PARD3B: variants seen among roughly 807,000 people sequenced by gnomAD.
PARD3B encodes partitioning defective 3 homolog B.
A neutral mutation model predicts 130.2 loss-of-function variants in PARD3B; 103 were observed. The ratio of observed to expected loss-of-function variants is 0.79; its 90% CI spans 0.67 to 0.93. PARD3B has a LOEUF of 0.93. Among genes scored for constraint, PARD3B ranks in the 40% least tolerant of loss-of-function variants. The pLI is 0.00. For synonymous variants in PARD3B, 583 were observed against 553.2 expected (o/e 1.05, Z -0.76); for missense variants, 1,609 against 1,499.2 (o/e 1.07, Z -1.21).
rs145131249 is a variant in PARD3B, at chr2:205,488,160, T to A, written c.3045-11736T>A. ...TAAAGTCATTACATGAGACAAAAAT[T>A]GTGTATTGACAAAATTAATCTTGGG... On this transcript the variant is annotated intron_variant, in intron 20 of 22. Transcript: ENST00000406610. Among the ~76,000 whole-genome samples, 402 of 152,222 alleles carry A rather than the reference T, an allele frequency of 2.6e-3. 1 individual carries two copies. Among genetic ancestry groups the A allele is most frequent in the African/African-American group, 9.2e-3 (384 of 41,548 alleles).
At position 205,512,655 on chromosome 2, in the gene PARD3B, C is replaced by T. The variant is rs191716789; in HGVS notation, c.3180+12624C>T. The stretch of plus-strand genomic sequence containing the variant: ...ACATCGAGCCTGACAGTTGTATCAT[C>T]AACACTTACCTACAAGGAAAGAAAA... On this transcript the variant is annotated intron_variant, in intron 21 of 22. Coordinates refer to ENST00000406610, the MANE Select transcript of PARD3B (RefSeq NM_001302769.2). Among the ~76,000 whole-genome samples, 93 of 152,268 alleles carry T rather than the reference C, an allele frequency of 6.1e-4. 1 individual carries two copies. The highest frequency in any genetic ancestry group is 2.1e-3 in the African/African-American group (88 of 41,568).
intron 18 of PARD3B, among the ~76,000 whole-genome samples, chr2:205,379,589 C>T (rs2105930361): frequency 6.6e-6 from 1 of 151,972 alleles, no homozygotes; most frequent in African/African-American, 2.4e-5. Context: ...TCATAAATGA[C>T]TTCTGTATTA....
rs1011661237 is a variant in PARD3B, at chr2:204,940,150, G to A, written c.223-25002G>A. Among the ~76,000 whole-genome samples the A allele has an allele frequency of 4.6e-5, 7 of 152,302 alleles. No individual in the cohort carries two copies. The East Asian group carries it at 5.8e-4, about 13-fold the overall frequency. ...TACCATAGTGTCTTTAGAAGTTAAC[G>A]TAGGAAGATTAATGCTCTTGGAGAA... On this transcript the variant is annotated intron_variant, in intron 2 of 22. Coordinates refer to ENST00000406610, the MANE Select transcript of PARD3B (RefSeq NM_001302769.2).
chr2:205,035,406 G>A (rs1697748105), intron 3 of PARD3B, among the ~76,000 whole-genome samples: 1 of 152,130 alleles, frequency 6.6e-6, no homozygotes, highest in Non-Finnish European at 1.5e-5. Flanking sequence ...CTATATAAGA[G>A]AGAAGTTCCC....
chr2:204,593,102 C>A (rs549609264), intron 1 of PARD3B, among the ~76,000 whole-genome samples: 2 of 152,214 alleles, frequency 1.3e-5, no homozygotes, highest in South Asian at 2.1e-4. Flanking sequence ...GAATATTTAT[C>A]TTGTACACAA....
intron 3 of PARD3B, among the ~76,000 whole-genome samples, chr2:205,044,480 T>C (rs1698625370): frequency 1.4e-5 from 2 of 147,754 alleles, no homozygotes; most frequent in Admixed American, 6.8e-5. Flanking sequence ...GTTTCCTGAC[T>C]TTTTAATGAT....
intron 1 of PARD3B, among the ~76,000 whole-genome samples, chr2:204,581,197 G>C (rs778548072): frequency 3.2e-4 from 48 of 152,156 alleles, no homozygotes; most frequent in Non-Finnish European, 6.3e-4. Context: ...ATTGCTTCTT[G>C]TTAGTTCTCT....
chr2:205,417,812 A>G (rs1395402058), intron 19 of PARD3B, among the ~76,000 whole-genome samples: 5 of 152,152 alleles, frequency 3.3e-5, no homozygotes, highest in African/African-American at 1.2e-4. Flanking sequence ...AGTTGTAGGC[A>G]CCCTGCAGAT....
In PARD3B at chr2:205,614,660, C is replaced by T. The variant is rs1468158624; in HGVS notation, c.3261-796C>T. ...GGCAGAGGTTGCAGTGAGCTGAGAT[C>T]GCACCATTGCACTCCAGCCTGGGTG... On this transcript the variant is annotated intron_variant, in intron 22 of 22. Coordinates refer to ENST00000406610, the MANE Select transcript of PARD3B (RefSeq NM_001302769.2). Among the ~76,000 whole-genome samples, 6 of 151,198 alleles carry T rather than the reference C, an allele frequency of 4.0e-5. No homozygotes were observed. The East Asian group carries it at 9.7e-4, about 25-fold the overall frequency.
rs1696083960 is a variant in PARD3B at position 205,015,593 on chromosome 2, T to A, written c.395-31988T>A. On this transcript the variant is annotated intron_variant, in intron 3 of 22. Transcript: ENST00000406610. This position sits in a 1 kb window ranked among gnomAD's most constrained non-coding sequence, Gnocchi z 4.5. ...GAATTGAGTGAGTGAACTAATGAAA[T>A]GAATGAATCAATGAATGAGTAAATT... 6.6e-6 allele frequency among the ~76,000 whole-genome samples: 1 copy of A among 152,178 alleles called. No homozygotes were observed. Among genetic ancestry groups the A allele is most frequent in the African/African-American group, 2.4e-5 (1 of 41,440 alleles).
chr2:204,781,895 T>C (rs937940103), intron 2 of PARD3B, among the ~76,000 whole-genome samples: 2 of 152,212 alleles, frequency 1.3e-5, no homozygotes, highest in Admixed American at 6.5e-5. Flanking sequence ...TTATAAATTG[T>C]GCCATTTCAG....
intron 2 of PARD3B, among the ~76,000 whole-genome samples, chr2:204,876,101 G>A (rs924176087): frequency 5.9e-5 from 9 of 152,130 alleles, no homozygotes; most frequent in African/African-American, 1.4e-4. Flanking sequence ...CCTGAGTTTC[G>A]GAAACAGAGT....
At chr2:205,089,489 C>T (rs933157277) in intron 4 of PARD3B, among the ~76,000 whole-genome samples, 2 of 152,142 alleles carry the variant, frequency 1.3e-5, no homozygotes, top group African/African-American at 4.8e-5. Flanking sequence ...TATGTGCCAC[C>T]TTGATAGGGA....
rs920591841 is a variant in PARD3B at position 205,258,999 on chromosome 2, A to G, written c.2185+13177A>G. ...TTGGCATGCATACCTAACAAAATCT[A>G]AAATTAGTCTGTATCTAATCCTTCT... On this transcript the variant is annotated intron_variant, in intron 16 of 22. Coordinates refer to ENST00000406610, the MANE Select transcript of PARD3B (RefSeq NM_001302769.2). This position sits in a 1 kb window ranked among gnomAD's most constrained non-coding sequence, Gnocchi z 4.9. 2.6e-5 allele frequency among the ~76,000 whole-genome samples: 4 copies of G among 152,158 alleles called. No individual in the cohort carries two copies. The highest frequency in any genetic ancestry group is 9.7e-5 in the African/African-American group (4 of 41,442).
chr2:204,622,336 C>T (rs1214504980), intron 1 of PARD3B, among the ~76,000 whole-genome samples: 1 of 152,154 alleles, frequency 6.6e-6, no homozygotes, highest in African/African-American at 2.4e-5. Flanking sequence ...CAAAAGTGAG[C>T]CCTCTTCTCC....
chr2:204,952,869 C>T (rs546181863), intron 2 of PARD3B, among the ~76,000 whole-genome samples: 3 of 151,594 alleles, frequency 2.0e-5, no homozygotes, highest in South Asian at 2.1e-4. Flanking sequence ...TGGTGGTGGG[C>T]GCTTGTAGTC....
intron 16 of PARD3B, among the ~76,000 whole-genome samples, chr2:205,251,187 T>C (rs1393546346): frequency 6.6e-6 from 1 of 152,180 alleles, no homozygotes; most frequent in Admixed American, 6.5e-5. Flanking sequence ...TCTACCAAAC[T>C]ACTGTAGTTC....
At chr2:205,135,103 G>A (rs1277152243) in intron 10 of PARD3B, among the ~76,000 whole-genome samples, 2 of 152,142 alleles carry the variant, frequency 1.3e-5, no homozygotes, top group Admixed American at 1.3e-4. Context: ...TGGAGAAAAA[G>A]AATTTTCTGA....
intron 2 of PARD3B, among the ~76,000 whole-genome samples, chr2:204,885,187 G>T (rs1207978085): frequency 6.6e-6 from 1 of 152,114 alleles, no homozygotes; most frequent in East Asian, 1.9e-4. Context: ...GGCATGAGAT[G>T]GTATCTCATT....
Sources: gnomAD v4.1 joint callset for allele counts (sites outside exome capture counted in the v4.1 genomes callset) on GRCh38, gnomAD v4.1.1 for gene constraint, Gnocchi (gnomAD v3.1) non-coding constraint, MANE v1.5 for transcripts, NCBI Gene and HGNC (gene_info 2026-07-23, HGNC 2026-07-21) for gene names.